Variants in ENTREP2 observed in about 807,000 individuals in gnomAD.
ENTREP2 encodes endosomal transmembrane epsin interactor 2, also known as protein ENTREP2.
the ENTREP2 span, among the ~76,000 whole-genome samples, chr15:29,162,046 T>C: frequency 2.0e-5 from 3 of 152,212 alleles, no homozygotes; most frequent in Non-Finnish European, 4.4e-5. Context: ...ACACGCCCAC[T>C]GGAGAAAAGG....
chr15:29,266,566 T>C, the ENTREP2 span: 38 of 152,142 alleles, frequency 2.5e-4, no homozygotes, highest in African/African-American at 9.2e-4. Flanking sequence ...TTAAAATGAG[T>C]GAATCAGGTC....
chr15:29,389,391 G>A, the ENTREP2 span, among the ~76,000 whole-genome samples: 1 of 152,004 alleles, frequency 6.6e-6, no homozygotes, highest in East Asian at 1.9e-4. Flanking sequence ...ACCTCTCCAG[G>A]AGGGGCAGCA....
the ENTREP2 span, among the ~76,000 whole-genome samples, chr15:29,327,637 C>T: frequency 2.0e-5 from 3 of 150,544 alleles, no homozygotes; most frequent in African/African-American, 4.9e-5. Flanking sequence ...ACAAACATCA[C>T]CAAAGAAGAT....
chr15:29,657,485 G>C, the ENTREP2 span, among the ~76,000 whole-genome samples: 15 of 36,378 alleles, frequency 4.1e-4, 1 homozygote, highest in South Asian at 2.2e-3. Context: ...TGGGGGGGCG[G>C]GGGGGGGGGG....
the ENTREP2 span, among the ~76,000 whole-genome samples, chr15:29,383,292 A>G: frequency 2.0e-5 from 3 of 152,022 alleles, no homozygotes; most frequent in Non-Finnish European, 2.9e-5. Context: ...TGCAGCCTCC[A>G]CCTCAGAAGC....
chr15:29,238,636 GA>G, the ENTREP2 span, among the ~76,000 whole-genome samples: 1,159 of 144,110 alleles, frequency 8.0e-3, 5 homozygotes, highest in Middle Eastern at 0.025. Flanking sequence ...CTCCATCTCA[GA>G]AAAAAAAAAA....
chr15:29,565,813 T>C, the ENTREP2 span, among the ~76,000 whole-genome samples: 1 of 151,636 alleles, frequency 6.6e-6, no homozygotes, highest in East Asian at 2.0e-4. Context: ...AATACAAAAT[T>C]AGCAGGGTGT....
the ENTREP2 span, among the ~76,000 whole-genome samples, chr15:29,592,050 G>A: frequency 1.3e-5 from 2 of 152,150 alleles, no homozygotes; most frequent in African/African-American, 4.8e-5. Context: ...CCTTGATCTT[G>A]GACTTCTAGC....
the ENTREP2 span, among the ~76,000 whole-genome samples, chr15:29,640,479 G>A: frequency 5.9e-5 from 9 of 152,122 alleles, no homozygotes; most frequent in Non-Finnish European, 7.4e-5. Context: ...GCAACATGGT[G>A]AAACCCCATC....
chr15:29,626,136 C>T, the ENTREP2 span, among the ~76,000 whole-genome samples: 2 of 152,208 alleles, frequency 1.3e-5, no homozygotes, highest in Non-Finnish European at 2.9e-5. Context: ...CATGTTGTTG[C>T]TAGTACATAA....
At chr15:29,573,218 G>T in the ENTREP2 span, among the ~76,000 whole-genome samples, 1 of 152,314 alleles carries the variant, frequency 6.6e-6, no homozygotes, top group South Asian at 2.1e-4. Flanking sequence ...GTGAAGGTGG[G>T]TTAGGAGAGG....
the ENTREP2 span, among the ~76,000 whole-genome samples, chr15:29,504,728 CTCACCAACAAAGAAGTGGGGAAAGCAG>C: frequency 6.6e-6 from 1 of 152,212 alleles, no homozygotes; most frequent in Non-Finnish European, 1.5e-5. Flanking sequence ...AAAGATCAAA[CTCACCAACAAAGAAGTGGGGAAAGCAG>C]TCATGAGTAA....
chr15:29,160,439 C>CAGT, the ENTREP2 span, among the ~76,000 whole-genome samples: 1 of 152,106 alleles, frequency 6.6e-6, no homozygotes, highest in Non-Finnish European at 1.5e-5. Context: ...TGTCACCTCT[C>CAGT]AGTAGCTCAC....
chr15:29,222,916 G>C, the ENTREP2 span, among the ~76,000 whole-genome samples: 1 of 152,224 alleles, frequency 6.6e-6, no homozygotes, highest in Non-Finnish European at 1.5e-5. Context: ...CAGCAGAATA[G>C]CATGTGATAC....
At chr15:29,336,329 T>G in the ENTREP2 span, among the ~76,000 whole-genome samples, 1 of 151,608 alleles carries the variant, frequency 6.6e-6, no homozygotes, top group African/African-American at 2.4e-5. Flanking sequence ...GTTGTTGTTT[T>G]GAGACAGAGT....
the ENTREP2 span, among the ~76,000 whole-genome samples, chr15:29,483,129 G>A: frequency 1.3e-5 from 2 of 152,196 alleles, no homozygotes; most frequent in Admixed American, 1.3e-4. Flanking sequence ...TTTGACAACT[G>A]TATATCTTCA....
At chr15:29,307,817 G>C in the ENTREP2 span, among the ~76,000 whole-genome samples, 4,415 of 152,268 alleles carry the variant, frequency 0.029, 204 homozygotes, top group African/African-American at 0.1. Flanking sequence ...AAGTCCTCAC[G>C]AGAACCAGAC....
chr15:29,329,207 C>T, the ENTREP2 span, among the ~76,000 whole-genome samples: 28 of 151,740 alleles, frequency 1.8e-4, no homozygotes, highest in Non-Finnish European at 2.9e-5. Context: ...CTAAAAAATA[C>T]AAAAAATTAG....
the ENTREP2 span, among the ~76,000 whole-genome samples, chr15:29,510,338 T>G: frequency 2.6e-5 from 4 of 152,196 alleles, no homozygotes; most frequent in Non-Finnish European, 1.5e-5. Context: ...GAAGACAGTG[T>G]GGCGACTGCT....
Sources: allele counts gnomAD v4.1 joint callset (sites outside exome capture counted in the v4.1 genomes callset), GRCh38; gene constraint gnomAD v4.1.1; transcripts MANE v1.5; gene names NCBI Gene and HGNC (gene_info 2026-07-23, HGNC 2026-07-21).